GRID1: variants seen among roughly 807,000 people sequenced by gnomAD.
GRID1 encodes the protein glutamate ionotropic receptor delta type subunit 1.
Under a neutral mutation model 98.0 loss-of-function variants are expected in GRID1, and 28 were observed. That is an observed-to-expected ratio of 0.29 (90% CI 0.21 to 0.39). The LOEUF is 0.39. Ranked by LOEUF, GRID1 falls within the 10% of genes least tolerant of loss-of-function variation. The pLI, the probability that GRID1 is intolerant of heterozygous loss-of-function variation, is 1.00. For missense variants in GRID1, 1,111 were observed against 1,340.5 expected (o/e 0.83, Z 2.67); for synonymous variants, 553 against 538.5 (o/e 1.03, Z -0.37).
intron 2 of GRID1, among the ~76,000 whole-genome samples, chr10:86,273,088 G>C (rs989174085): frequency 4.8e-5 from 7 of 147,280 alleles, no homozygotes; most frequent in Admixed American, 2.7e-4. Flanking sequence ...ACAGTCCCCA[G>C]AGTGTGATGT....
intron 12 of GRID1, among the ~76,000 whole-genome samples, chr10:85,682,218 A>G (rs1179823608): frequency 6.6e-6 from 1 of 152,222 alleles, no homozygotes; most frequent in South Asian, 2.1e-4. Flanking sequence ...GTCATATAAC[A>G]GTGAGAAGTC....
At chr10:85,888,585 G>A (rs963427499) in intron 5 of GRID1, among the ~76,000 whole-genome samples, 3 of 152,144 alleles carry the variant, frequency 2.0e-5, no homozygotes, top group African/African-American at 7.2e-5. Context: ...TGAGACTAGG[G>A]ACCTACACTG....
chr10:86,363,845 C>G, intron 2 of GRID1, 96 bp downstream of exon 2: 1 of 1,078,284 alleles, frequency 9.3e-7, no homozygotes, highest in Non-Finnish European at 1.4e-6. Flanking sequence ...AGAGGGTGCC[C>G]TGCGCAGCCC....
intron 4 of GRID1, among the ~76,000 whole-genome samples, chr10:86,028,024 T>C (rs1742550443): frequency 6.6e-6 from 1 of 152,192 alleles, no homozygotes; most frequent in Non-Finnish European, 1.5e-5. Context: ...TAATACCCCG[T>C]GATGTATGGA....
At position 85,650,093 on chromosome 10, in the gene GRID1, A is replaced by G. The variant is rs918790236; in HGVS notation, c.1998-2696T>C. 6 of 152,218 alleles carry G rather than the reference A, an allele frequency of 3.9e-5. No individual in the cohort carries two copies. In the East Asian group the frequency reaches 1.2e-3, roughly 29 times the overall value. 9.4% of individuals were successfully genotyped at this position (152,218 alleles called of 1,614,324 possible). On this transcript the variant is annotated intron_variant, in intron 12 of 15. Coordinates refer to ENST00000327946, the MANE Select transcript of GRID1 (RefSeq NM_017551.3). ...AACACAAGGGCCCAACTATTCATCC[A>G]CCAAAGCCATCATCTCCCTGAGGAA...
chr10:85,886,987 AT>A (rs1394827187), intron 5 of GRID1, among the ~76,000 whole-genome samples: 2 of 152,266 alleles, frequency 1.3e-5, no homozygotes, highest in Non-Finnish European at 2.9e-5. Context: ...GCATTACTCC[AT>A]TTCTGGAGAA....
chr10:86,147,145 G>C (rs1031205203), intron 3 of GRID1, among the ~76,000 whole-genome samples: 1 of 152,154 alleles, frequency 6.6e-6, no homozygotes. Context: ...ATCTGAGAGC[G>C]TCTTGTCTGG....
chr10:86,326,238 A>G (rs530778610), intron 2 of GRID1, among the ~76,000 whole-genome samples: 13 of 152,346 alleles, frequency 8.5e-5, no homozygotes, highest in African/African-American at 3.1e-4. Context: ...AAGAGACCCA[A>G]AATAAATGGG....
chr10:85,800,811 G>A (rs1354979688), intron 8 of GRID1, among the ~76,000 whole-genome samples: 2 of 151,974 alleles, frequency 1.3e-5, no homozygotes, highest in Admixed American at 6.6e-5. Flanking sequence ...CTATGAGGTG[G>A]ATATAATTCC....
chr10:85,926,752 T>C (rs1841779543), intron 4 of GRID1, among the ~76,000 whole-genome samples: 1 of 152,120 alleles, frequency 6.6e-6, no homozygotes, highest in South Asian at 2.1e-4. Context: ...TGCAGAAGCC[T>C]GGAGGTGTGA....
At chr10:85,986,822 T>C (rs1188641008) in intron 4 of GRID1, among the ~76,000 whole-genome samples, 3 of 152,186 alleles carry the variant, frequency 2.0e-5, no homozygotes, top group Non-Finnish European at 4.4e-5. Context: ...ACAGCACAGA[T>C]AGAGCTTCCT....
At chr10:85,645,820 T>C (rs186693996) in intron 13 of GRID1, 3 of 152,384 alleles carry the variant, frequency 2.0e-5, no homozygotes, top group Non-Finnish European at 4.4e-5. Flanking sequence ...ATCTTCCCAG[T>C]GGGCCTCACT....
chr10:85,782,939 G>T (rs1842393759), intron 8 of GRID1, among the ~76,000 whole-genome samples: 1 of 152,140 alleles, frequency 6.6e-6, no homozygotes, highest in Non-Finnish European at 1.5e-5. Flanking sequence ...GAAAGAAAAT[G>T]AATAAGGATG....
At chr10:85,880,383 G>C (rs1232772103) in intron 5 of GRID1, among the ~76,000 whole-genome samples, 1 of 152,150 alleles carries the variant, frequency 6.6e-6, no homozygotes, top group South Asian at 2.1e-4. Flanking sequence ...ATAAAATACT[G>C]GCAAACTGAA....
chr10:86,223,142 C>G (rs1298437944), intron 2 of GRID1, among the ~76,000 whole-genome samples: 1 of 152,192 alleles, frequency 6.6e-6, no homozygotes, highest in Non-Finnish European at 1.5e-5. Context: ...CTGCTCATTG[C>G]TCTCTGCATT....
intron 8 of GRID1, among the ~76,000 whole-genome samples, chr10:85,806,357 G>A (rs548707851): frequency 1.3e-5 from 2 of 152,128 alleles, no homozygotes; most frequent in African/African-American, 2.4e-5. Flanking sequence ...TATTTCTGGT[G>A]AGAATACAAA....
intron 4 of GRID1, among the ~76,000 whole-genome samples, chr10:86,069,492 C>CA (rs941310616): frequency 2.0e-5 from 3 of 152,170 alleles, no homozygotes; most frequent in African/African-American, 4.8e-5. Context: ...ACCAAACATA[C>CA]AAAAAATTGG....
At position 85,724,311 on chromosome 10, in the gene GRID1, G is replaced by A. The variant is rs374313015; in HGVS notation, c.1858+41C>T. 4 of 1,483,232 alleles carry A rather than the reference G, an allele frequency of 2.7e-6. No homozygotes were observed. In the African/African-American group the frequency reaches 4.2e-5, roughly 16 times the overall value. The allele number at this position is 1,483,232 out of a possible 1,614,324, so 91.9% of individuals were successfully genotyped here. A position where few individuals can be genotyped will look rare whatever the true frequency, so the allele number is the denominator to read the frequency against. The stretch of plus-strand genomic sequence containing the variant: ...TTTGCCAATGGATAAGTTCTTCCAG[G>A]CCCCTAGAGCTATTCAATGATCAGG... On this transcript the variant is annotated intron_variant, in intron 11 of 15. Coordinates refer to ENST00000327946, the MANE Select transcript of GRID1 (RefSeq NM_017551.3).
chr10:86,134,949 C>T (rs764035786), intron 4 of GRID1, among the ~76,000 whole-genome samples: 2 of 152,218 alleles, frequency 1.3e-5, no homozygotes, highest in Non-Finnish European at 2.9e-5. Context: ...CCTGTGAGAG[C>T]AGGGACAACA....
Sources: allele counts gnomAD v4.1 joint callset (sites outside exome capture counted in the v4.1 genomes callset), GRCh38; gene constraint gnomAD v4.1.1; transcripts MANE v1.5; gene names NCBI Gene and HGNC (gene_info 2026-07-23, HGNC 2026-07-21).